PCDHA10: variants seen among roughly 807,000 people sequenced by gnomAD.
The protein encoded by PCDHA10 is protocadherin alpha 10.
In PCDHA10, 45 loss-of-function variants were observed where a neutral mutation model predicts 61.2. The observed-to-expected ratio is 0.74, with a 90% CI of 0.58 to 0.94. PCDHA10 has a LOEUF of 0.94. PCDHA10 is among the 40% of genes least tolerant of loss of function. The pLI, the probability that PCDHA10 is intolerant of heterozygous loss-of-function variation, is 0.00. For synonymous variants in PCDHA10, 602 were observed against 548.8 expected (o/e 1.10, Z -1.35); for missense variants, 1,278 against 1,236.2 (o/e 1.03, Z -0.51).
chr5:140,874,557 G>T (rs782715249), intron 1 of PCDHA10, among the ~76,000 whole-genome samples: 3 of 152,146 alleles, frequency 2.0e-5, no homozygotes, highest in African/African-American at 7.2e-5. Flanking sequence ...GAGATCTTTC[G>T]CATTTTAGTG....
chr5:140,870,915 G>A (rs1554164824), intron 1 of PCDHA10: 4 of 1,613,830 alleles, frequency 2.5e-6, no homozygotes, highest in Non-Finnish European at 3.4e-6. Flanking sequence ...GCTACAACGC[G>A]TGGCTTTCAT....
intron 3 of PCDHA10, among the ~76,000 whole-genome samples, chr5:141,006,429 G>A (rs541690957): frequency 1.3e-5 from 2 of 152,004 alleles, no homozygotes; most frequent in South Asian, 4.2e-4. Context: ...TAGCCAGGAT[G>A]GTCTCAATCT....
chr5:140,959,876 G>A (rs1335764869), intron 1 of PCDHA10, among the ~76,000 whole-genome samples: 1 of 152,134 alleles, frequency 6.6e-6, no homozygotes. Context: ...ATCTGTCAAG[G>A]AATACACGAG....
At chr5:140,904,091 C>A (rs536225769) in intron 1 of PCDHA10, among the ~76,000 whole-genome samples, 16 of 152,082 alleles carry the variant, frequency 1.1e-4, no homozygotes, top group Non-Finnish European at 1.8e-4. Flanking sequence ...ACATGAATAA[C>A]TACTTTAGTG....
At chr5:140,960,742 T>C (rs1336861398) in intron 1 of PCDHA10, among the ~76,000 whole-genome samples, 1 of 151,530 alleles carries the variant, frequency 6.6e-6, no homozygotes, top group Non-Finnish European at 1.5e-5. Flanking sequence ...TTTTAGTCCA[T>C]GGCTAAAATC....
intron 1 of PCDHA10, chr5:140,926,708 C>G (rs1554203635): frequency 2.2e-6 from 2 of 896,142 alleles, no homozygotes; most frequent in South Asian, 5.3e-5. Context: ...CCCAGCTGGC[C>G]AGCCCCGGCA....
At chr5:140,907,229 A>C (rs1562959472) in intron 1 of PCDHA10, among the ~76,000 whole-genome samples, 1 of 152,180 alleles carries the variant, frequency 6.6e-6, no homozygotes, top group Non-Finnish European at 1.5e-5. Flanking sequence ...AAGTATTGTC[A>C]CCTAGTTGAC....
chr5:140,929,613 C>A, intron 1 of PCDHA10: 6 of 406,162 alleles, frequency 1.5e-5, no homozygotes, highest in Non-Finnish European at 2.7e-5. Flanking sequence ...AATAAAATAC[C>A]AAAATATTTT....
chr5:140,869,340 G>A (rs1554162920), intron 1 of PCDHA10: 4 of 1,614,018 alleles, frequency 2.5e-6, no homozygotes, highest in Non-Finnish European at 3.4e-6. Flanking sequence ...AGGTAAATCT[G>A]CAGAATGGCA....
intron 1 of PCDHA10, among the ~76,000 whole-genome samples, chr5:140,964,992 A>G (rs1459979924): frequency 6.6e-6 from 1 of 152,098 alleles, no homozygotes; most frequent in Non-Finnish European, 1.5e-5. Flanking sequence ...CAGGCCTTTG[A>G]ATTCTGGGTG....
At chr5:140,978,528 C>T (rs903940636) in intron 1 of PCDHA10, among the ~76,000 whole-genome samples, 1 of 152,192 alleles carries the variant, frequency 6.6e-6, no homozygotes, top group Non-Finnish European at 1.5e-5. Flanking sequence ...GCCAGGCCAG[C>T]AGAACTTGTG....
intron 1 of PCDHA10, chr5:140,966,944 A>C: frequency 6.2e-7 from 1 of 1,603,894 alleles, no homozygotes; most frequent in Non-Finnish European, 8.5e-7. Context: ...GCTCGTGGGC[A>C]ACGTGGCTCG....
At chr5:140,961,214 A>C (rs1406613180) in intron 1 of PCDHA10, among the ~76,000 whole-genome samples, 4 of 152,288 alleles carry the variant, frequency 2.6e-5, no homozygotes, top group East Asian at 3.9e-4. Context: ...ATTGATGAAG[A>C]AACTGGGTCC....
chr5:140,877,146 GA>G (rs781877505), intron 1 of PCDHA10: 8 of 1,613,700 alleles, frequency 5.0e-6, no homozygotes, highest in Admixed American at 3.3e-5. Context: ...TGCTGGACGA[GA>G]ACGACAACGC....
intron 1 of PCDHA10, chr5:140,927,019 T>C: frequency 6.2e-7 from 1 of 1,612,660 alleles, no homozygotes; most frequent in Non-Finnish European, 8.5e-7. Flanking sequence ...CTCCGCGGAC[T>C]TGAGGCTGCC....
chr5:140,963,600 G>T (rs111244023), intron 1 of PCDHA10, among the ~76,000 whole-genome samples: 1 of 152,180 alleles, frequency 6.6e-6, no homozygotes, highest in Non-Finnish European at 1.5e-5. Context: ...AGTTCTAGAC[G>T]TAATTGGGAA....
At position 140,856,900 on chromosome 5, in the gene PCDHA10, C is replaced by T. The variant is rs782598308; in HGVS notation, c.852C>T (p.Val284=). The change falls in exon 1 of 4, where the codon GTC becomes GTT. Residue 284 remains valine, a synonymous_variant. Coordinates refer to ENST00000307360, the MANE Select transcript of PCDHA10 (RefSeq NM_018901.4). ...TGATGTATTCATTTAGCTCTTTGGT[C>T]CCACCCACGATAAGAAGGAAATTTT... ...KEMMYSFSSL[V]PPTIRRKFWI... is the part of the protein sequence containing the mutation. The T allele has an allele frequency of 1.0e-5, 16 of 1,596,132 alleles. No homozygotes were observed. In the East Asian group the frequency reaches 2.7e-4, roughly 27 times the overall value.
chr5:140,865,511 T>C (rs868994454), intron 1 of PCDHA10: 1 of 152,226 alleles, frequency 6.6e-6, no homozygotes, highest in African/African-American at 2.4e-5. Flanking sequence ...TCCTACTTTA[T>C]GGTGCTGGAA....
At chr5:140,886,923 A>G (rs2061226884) in intron 1 of PCDHA10, among the ~76,000 whole-genome samples, 1 of 151,812 alleles carries the variant, frequency 6.6e-6, no homozygotes, top group Non-Finnish European at 1.5e-5. Context: ...AGTGTTCTCT[A>G]TGTGCCAGGC....
Sources: gnomAD v4.1 joint callset for allele counts (sites outside exome capture counted in the v4.1 genomes callset) on GRCh38, gnomAD v4.1.1 for gene constraint, MANE v1.5 for transcripts, NCBI Gene and HGNC (gene_info 2026-07-23, HGNC 2026-07-21) for gene names.